SUSD5: variants seen among roughly 807,000 people sequenced by gnomAD.
SUSD5 encodes the protein sushi domain-containing protein 5.
Under a neutral mutation model 29.5 loss-of-function variants are expected in SUSD5, and 33 were observed. That is an observed-to-expected ratio of 1.12 (90% CI 0.85 to 1.49). The LOEUF is 1.49. Among genes scored for constraint, SUSD5 ranks in the 40% most tolerant of loss-of-function variants. The probability of loss-of-function intolerance (pLI) is 0.00; values close to 1 mark genes in which losing one functional copy is unlikely to be tolerated. For missense variants in SUSD5, 776 were observed against 800.6 expected, an observed-to-expected ratio of 0.97 and a Z score of 0.37; for synonymous variants, 308 against 325.3, an observed-to-expected ratio of 0.95 and a Z score of 0.57.
chr3:33,156,044 T>C (rs1173194932), intron 4 of SUSD5, among the ~76,000 whole-genome samples: 2 of 151,890 alleles, frequency 1.3e-5, no homozygotes, highest in African/African-American at 2.4e-5. Context: ...CAAAAATGCA[T>C]CTTTTTTTTT....
chr3:33,176,648 T>C (rs1395216611), intron 3 of SUSD5, among the ~76,000 whole-genome samples: 1 of 152,224 alleles, frequency 6.6e-6, no homozygotes. Context: ...CATCATGCCT[T>C]TAGTCTAAGA....
At chr3:33,207,620 C>T (rs934830589) in intron 3 of SUSD5, among the ~76,000 whole-genome samples, 188 bp downstream of exon 3, 2 of 152,166 alleles carry the variant, frequency 1.3e-5, no homozygotes, top group African/African-American at 2.4e-5. Context: ...AATATTGCAC[C>T]GATGCTTGAC....
At chr3:33,217,933 T>C (rs1448717626) in intron 1 of SUSD5, among the ~76,000 whole-genome samples, 1 of 152,188 alleles carries the variant, frequency 6.6e-6, no homozygotes, top group Non-Finnish European at 1.5e-5. Context: ...ACAGCTGAAT[T>C]AGCTTTTCAA....
intron 3 of SUSD5, among the ~76,000 whole-genome samples, chr3:33,206,408 CTTGAGT>C (rs2032218757): frequency 1.0e-5 from 1 of 99,778 alleles, no homozygotes; most frequent in South Asian, 4.1e-4. Flanking sequence ...AAAAAATTTA[CTTGAGT>C]GTGTGTGTGT....
intron 4 of SUSD5, among the ~76,000 whole-genome samples, chr3:33,164,898 A>C (rs565690335): frequency 6.6e-6 from 1 of 152,142 alleles, no homozygotes; most frequent in Non-Finnish European, 1.5e-5. Context: ...ACTCTTATAC[A>C]TTGCTCTTCA....
Position 33,152,931 on chromosome 3 carries a change from A to G in SUSD5, c.1701T>C (p.Cys567=), listed in dbSNP as rs763372853. 1.2e-6 allele frequency: 2 copies of G among 1,614,014 alleles called. No individual in the cohort carries two copies. Among genetic ancestry groups the G allele is most frequent in the Non-Finnish European group, 1.7e-6 (2 of 1,179,892 alleles). The change falls in exon 5 of 5, where the codon TGT becomes TGC. Residue 567 remains cysteine (C), a synonymous_variant. Coordinates refer to ENST00000309558, the MANE Select transcript of SUSD5 (RefSeq NM_015551.2). ...TCACAGGGCCTCTGCTGAGGCCAGG[A>G]CATCCGTCCCCCACACACGACTCCA... ...PTLESCVGDG[C]PGLSRGPVIA...
At chr3:33,212,628 G>A (rs2032343177) in intron 2 of SUSD5, among the ~76,000 whole-genome samples, 1 of 152,210 alleles carries the variant, frequency 6.6e-6, no homozygotes. Context: ...GGCAGTTAAT[G>A]CTAGCCACTG....
chr3:33,193,182 G>A (rs372273337), intron 3 of SUSD5, among the ~76,000 whole-genome samples: 4 of 152,158 alleles, frequency 2.6e-5, no homozygotes, highest in Non-Finnish European at 5.9e-5. Context: ...TCTAGAATTC[G>A]TCCAGAGGAA....
chr3:33,189,473 CT>C (rs2031845928), intron 3 of SUSD5, among the ~76,000 whole-genome samples: 1 of 87,232 alleles, frequency 1.1e-5, no homozygotes, highest in African/African-American at 4.5e-5. Context: ...CGAGACTCTC[CT>C]TCTCAAAAAA....
intron 3 of SUSD5, among the ~76,000 whole-genome samples, chr3:33,192,962 G>A (rs1233709332): frequency 6.6e-6 from 1 of 151,510 alleles, no homozygotes; most frequent in Admixed American, 6.6e-5. Context: ...TGTATGTTGG[G>A]TCTATTTTGA....
chr3:33,153,502 G>A lies in SUSD5; in HGVS notation c.1130C>T (p.Thr377Ile). The A allele has an allele frequency of 1.2e-6, 2 of 1,613,930 alleles. No homozygotes were observed. Among genetic ancestry groups the A allele is most frequent in the Non-Finnish European group, 1.7e-6 (2 of 1,179,964 alleles). The change falls in exon 5 of 5, where the codon ACA (threonine) becomes ATA (isoleucine). Residue 377 changes from threonine to isoleucine, a missense_variant. Physicochemically the swap from Thr to Ile is moderately conservative, Grantham distance 89 (BLOSUM62 -1). Transcript: ENST00000309558. Reference protein sequence around the residue: ...DESWLDGYPVTEGAWRKTEAE... With the variant: ...DESWLDGYPVIEGAWRKTEAE... ...CTCTGTCTTCCTCCAAGCCCCCTCT[G>A]TCACAGGGTAGCCATCTAACCAGGA... is the stretch of plus-strand genomic sequence containing the variant.
rs566671038 is a variant in SUSD5 at position 33,209,660 on chromosome 3, CTT to C, written c.291-1736_291-1735del. Among the ~76,000 whole-genome samples the C allele has an allele frequency of 4.5e-5, 6 of 132,394 alleles. No individual in the cohort carries two copies. The East Asian group carries it at 1.3e-3, about 29-fold the overall frequency. 86.9% of individuals were successfully genotyped at this position (132,394 alleles called of 152,430 possible). ...TTTCTCTCTCTTCTTTCTTTCTTTTCTTTTTTTTTCTTTTCTTTTCTTTCTTT... is the reference window on the plus strand; with the variant it reads ...TTTCTCTCTCTTCTTTCTTTCTTTTCTTTTTTTCTTTTCTTTTCTTTCTTT... On this transcript the variant is annotated intron_variant, in intron 2 of 4. Transcript: ENST00000309558.
intron 1 of SUSD5, among the ~76,000 whole-genome samples, chr3:33,215,618 C>T (rs1001276378): frequency 7.2e-5 from 11 of 152,052 alleles, no homozygotes; most frequent in East Asian, 1.9e-4. Context: ...AATGCTTGTC[C>T]GAGATCACAC....
At chr3:33,160,355 G>A (rs758545176) in intron 4 of SUSD5, among the ~76,000 whole-genome samples, 1 of 151,314 alleles carries the variant, frequency 6.6e-6, no homozygotes, top group Non-Finnish European at 1.5e-5. Flanking sequence ...GGCCAGGAGT[G>A]AGACCAGCCT....
intron 3 of SUSD5, among the ~76,000 whole-genome samples, chr3:33,196,342 A>C (rs1432680574): frequency 6.6e-6 from 1 of 152,224 alleles, no homozygotes; most frequent in Admixed American, 6.5e-5. Flanking sequence ...AGGTGAGAAG[A>C]AGCTAGCAGA....
Position 33,209,660 on chromosome 3 carries a change from CTTTTT to C in SUSD5, c.291-1739_291-1735del, listed in dbSNP as rs566671038. 5.3e-3 allele frequency among the ~76,000 whole-genome samples: 700 copies of C among 132,384 alleles called. 3 individuals are homozygous for C. Among genetic ancestry groups the C allele is most frequent in the African/African-American group, 0.019 (662 of 35,650 alleles). The allele number at this position is 132,384 out of a possible 152,430, so 86.8% of individuals were successfully genotyped here. On this transcript the variant is annotated intron_variant, in intron 2 of 4. Transcript: ENST00000309558. ...TTTCTCTCTCTTCTTTCTTTCTTTT[CTTTTT>C]TTTTCTTTTCTTTTCTTTCTTTTTG...
At chr3:33,181,510 C>T (rs1485959472) in intron 3 of SUSD5, among the ~76,000 whole-genome samples, 2 of 151,952 alleles carry the variant, frequency 1.3e-5, no homozygotes, top group East Asian at 1.9e-4. Flanking sequence ...GTAGCTGAGA[C>T]CAAGAGCACG....
chr3:33,202,024 T>TTATCTATCTATCTATCTATC (rs60454731), intron 3 of SUSD5, among the ~76,000 whole-genome samples: 5 of 146,528 alleles, frequency 3.4e-5, no homozygotes, highest in East Asian at 2.0e-4. Context: ...AGGGGAGAAG[T>TTATCTATCTATCTATCTATC]TATCTATCTA....
intron 3 of SUSD5, among the ~76,000 whole-genome samples, chr3:33,178,639 G>C (rs1052670280): frequency 6.6e-6 from 1 of 152,136 alleles, no homozygotes; most frequent in South Asian, 2.1e-4. Context: ...GTAGAGACAG[G>C]GTTTCACCGT....
Sources: allele counts gnomAD v4.1 joint callset (sites outside exome capture counted in the v4.1 genomes callset), GRCh38; gene constraint gnomAD v4.1.1; transcripts MANE v1.5; gene names NCBI Gene and HGNC (gene_info 2026-07-23, HGNC 2026-07-21).